SPATA6: variants seen among roughly 807,000 people sequenced by gnomAD.
The protein encoded by SPATA6 is spermatogenesis-associated protein 6.
SPATA6 carries 56 observed loss-of-function variants against 65.3 expected under a neutral mutation model. The ratio of observed to expected loss-of-function variants is 0.86; its 90% confidence interval spans 0.69 to 1.07. The LOEUF (loss-of-function observed/expected upper bound fraction) is 1.07. Ranked by LOEUF, SPATA6 falls within the 50% of genes least tolerant of loss-of-function variation. The pLI, the probability that SPATA6 is intolerant of heterozygous loss-of-function variation, is 0.00. For missense variants in SPATA6, 590 were observed against 594.8 expected (o/e 0.99, Z 0.08); for synonymous variants, 199 against 213.2 (o/e 0.93, Z 0.58).
intron 11 of SPATA6, among the ~76,000 whole-genome samples, chr1:48,307,939 CTTT>C (rs1645102505): frequency 1.3e-5 from 2 of 151,826 alleles, no homozygotes; most frequent in South Asian, 4.1e-4. Context: ...GAATGCTATG[CTTT>C]TGTTTTCTTT....
At chr1:48,293,475 T>C (rs1473494130), downstream of SPATA6, among the ~76,000 whole-genome samples, 1 of 152,184 alleles carries the variant, frequency 6.6e-6, no homozygotes, top group Non-Finnish European at 1.5e-5. Context: ...TGGATGTCTA[T>C]CAGATTGTTG....
intron 9 of SPATA6, among the ~76,000 whole-genome samples, chr1:48,384,673 A>C (rs896621382): frequency 6.6e-6 from 1 of 152,164 alleles, no homozygotes; most frequent in Non-Finnish European, 1.5e-5. Flanking sequence ...TTTCAATAAG[A>C]AATGCTCAGT....
chr1:48,299,613 G>A (rs549624992), intron 12 of SPATA6, among the ~76,000 whole-genome samples: 6 of 150,964 alleles, frequency 4.0e-5, no homozygotes, highest in African/African-American at 7.3e-5. Flanking sequence ...GTGAGACCTT[G>A]GGCAATTTAT....
At chr1:48,293,718 A>C (rs759174586), downstream of SPATA6, among the ~76,000 whole-genome samples, 1 of 152,200 alleles carries the variant, frequency 6.6e-6, no homozygotes, top group Non-Finnish European at 1.5e-5. Context: ...AACCTTAGTA[A>C]GTGGAATTTC....
At chr1:48,422,421 C>T (rs999971073) in intron 3 of SPATA6, among the ~76,000 whole-genome samples, 34 of 152,118 alleles carry the variant, frequency 2.2e-4, no homozygotes, top group African/African-American at 8.0e-4. Flanking sequence ...TTTTTATGGT[C>T]TCACAGACTA....
chr1:48,335,252 T>A (rs1034273596), intron 11 of SPATA6, among the ~76,000 whole-genome samples: 1 of 150,538 alleles, frequency 6.6e-6, no homozygotes, highest in African/African-American at 2.4e-5. Flanking sequence ...AAACTACCAA[T>A]GAAAATTTTC....
At chr1:48,342,921 G>A (rs1646260420) in intron 11 of SPATA6, among the ~76,000 whole-genome samples, 1 of 152,138 alleles carries the variant, frequency 6.6e-6, no homozygotes, top group Admixed American at 6.5e-5. Flanking sequence ...GTGACAAAAT[G>A]AGGTGACAAG....
the SPATA6 span, among the ~76,000 whole-genome samples, chr1:48,266,401 A>G: frequency 6.6e-6 from 1 of 152,190 alleles, no homozygotes; most frequent in African/African-American, 2.4e-5. Flanking sequence ...CCCACAGGAG[A>G]CACTTAACCC....
chr1:48,438,722 C>T (rs896942837), intron 3 of SPATA6, among the ~76,000 whole-genome samples: 17 of 152,160 alleles, frequency 1.1e-4, no homozygotes, highest in South Asian at 6.2e-4. Context: ...CTCTTTTCTC[C>T]GAGACTAGTC....
intron 11 of SPATA6, among the ~76,000 whole-genome samples, chr1:48,341,062 A>G (rs1027095995): frequency 6.6e-6 from 1 of 152,200 alleles, no homozygotes; most frequent in Non-Finnish European, 1.5e-5. Flanking sequence ...GTATTGGGAA[A>G]ACAAAACAAA....
At chr1:48,327,897 A>G (rs562223097) in intron 11 of SPATA6, among the ~76,000 whole-genome samples, 13 of 152,270 alleles carry the variant, frequency 8.5e-5, no homozygotes, top group South Asian at 2.1e-4. Flanking sequence ...GTGGGTGATA[A>G]TTACACTAGA....
At chr1:48,359,893 AAAGT>A (rs1372915475) in intron 9 of SPATA6, 123 bp from the exon 10 acceptor site, 9 of 710,346 alleles carry the variant, frequency 1.3e-5, no homozygotes, top group East Asian at 8.8e-5. Flanking sequence ...TAATTTTATA[AAAGT>A]AATAAAACAT....
At position 48,451,588 on chromosome 1, in the gene SPATA6, C is replaced by A; in HGVS notation, c.202G>T (p.Ala68Ser). The stretch of plus-strand genomic sequence containing the variant: ...GTAACCACATCTCCAGGATCTACTG[C>A]GTCCGGGAACACCTATAGTGAGACG... Reference protein sequence around the residue: ...RMVFEKVFPDAVDPGDVVTQL... With the variant: ...RMVFEKVFPDSVDPGDVVTQL... Residue 68 changes from alanine to serine, a missense_variant, in exon 3 of 13, where the codon GCA (alanine) becomes TCA (serine). Ala to Ser is a moderately conservative substitution (Grantham distance 99). Transcript: ENST00000371847. 2 of 1,612,252 alleles carry A rather than the reference C, an allele frequency of 1.2e-6. No individual in the cohort carries two copies. Among genetic ancestry groups the A allele is most frequent in the Non-Finnish European group, 8.5e-7 (1 of 1,179,200 alleles).
the SPATA6 span, among the ~76,000 whole-genome samples, chr1:48,281,549 CAGAG>C: frequency 3.3e-5 from 5 of 152,112 alleles, no homozygotes; most frequent in African/African-American, 1.2e-4. Context: ...AACAGACAAA[CAGAG>C]AGCCAAATCA....
the SPATA6 span, among the ~76,000 whole-genome samples, chr1:48,267,752 GTTTT>G: frequency 3.6e-4 from 26 of 72,700 alleles, no homozygotes; most frequent in East Asian, 2.5e-3. Context: ...TAGGGTCTGG[GTTTT>G]TTTTTTTTTT....
intron 11 of SPATA6, among the ~76,000 whole-genome samples, chr1:48,343,945 TC>T (rs1330567105): frequency 6.6e-6 from 1 of 151,824 alleles, no homozygotes; most frequent in Non-Finnish European, 1.5e-5. Flanking sequence ...ACAATATAAC[TC>T]AACCCAAAAG....
At chr1:48,385,706 T>C (rs115510214) in intron 8 of SPATA6, among the ~76,000 whole-genome samples, 1,864 of 152,282 alleles carry the variant, frequency 0.012, 16 homozygotes, top group Non-Finnish European at 0.019. Flanking sequence ...TTGACAGATA[T>C]TGTCAAACTA....
chr1:48,372,079 A>G (rs1235309769), intron 9 of SPATA6, among the ~76,000 whole-genome samples: 1 of 152,100 alleles, frequency 6.6e-6, no homozygotes, highest in Non-Finnish European at 1.5e-5. Context: ...ACCTCCAAAT[A>G]TCATGTCCTC....
chr1:48,300,632 T>C (rs535122419), intron 12 of SPATA6, among the ~76,000 whole-genome samples: 1 of 152,046 alleles, frequency 6.6e-6, no homozygotes, highest in Non-Finnish European at 1.5e-5. Context: ...CAGGCTAATA[T>C]TCCTGATGAA....
Sources: gnomAD v4.1 joint callset for allele counts (sites outside exome capture counted in the v4.1 genomes callset) on GRCh38, gnomAD v4.1.1 for gene constraint, MANE v1.5 for transcripts, NCBI Gene and HGNC (gene_info 2026-07-23, HGNC 2026-07-21) for gene names.